GPR146: variants seen among roughly 807,000 people sequenced by gnomAD.
GPR146 encodes the protein G protein-coupled receptor 146.
For missense variants in GPR146, 381 were observed against 213.9 expected, an observed-to-expected ratio of 1.78 and a Z score of -4.87; for synonymous variants, 203 against 104.3, an observed-to-expected ratio of 1.95 and a Z score of -5.77.
At chr7:1,055,191 G>T in intron 1 of GPR146, 3 of 467,826 alleles carry the variant, frequency 6.4e-6, no homozygotes, top group Non-Finnish European at 1.3e-5. Flanking sequence ...ACGGCCCCTC[G>T]TTTCTGGAAC....
chr7:1,049,370 G>T (rs1782885098), intron 1 of GPR146, among the ~76,000 whole-genome samples: 1 of 152,228 alleles, frequency 6.6e-6, no homozygotes, highest in Non-Finnish European at 1.5e-5. Context: ...TGCTTCACAT[G>T]GGTTGGTTTA....
intron 1 of GPR146, among the ~76,000 whole-genome samples, chr7:1,045,010 G>A (rs933407803): frequency 6.6e-6 from 1 of 152,262 alleles, no homozygotes; most frequent in Non-Finnish European, 1.5e-5. Context: ...GACTGCTTTC[G>A]GCCCCTTCTG....
At chr7:1,045,328 C>A (rs1433936325) in intron 1 of GPR146, 1 of 152,266 alleles carries the variant, frequency 6.6e-6, no homozygotes, top group Non-Finnish European at 1.5e-5. Flanking sequence ...CTGTATTCGT[C>A]GTCCACAGCC....
chr7:1,044,934 C>T (rs944157783), intron 1 of GPR146, among the ~76,000 whole-genome samples: 5 of 152,370 alleles, frequency 3.3e-5, no homozygotes, highest in Admixed American at 6.5e-5. Context: ...GGCGGCACAG[C>T]GCCGCCACCG....
rs1277113578 is a variant in GPR146, at chr7:1,058,118, G to A, written c.603G>A (p.Leu201=). 2.6e-6 allele frequency: 2 copies of A among 760,718 alleles called. No homozygotes were observed. The highest frequency in any genetic ancestry group is 1.7e-5 in the Admixed American group (1 of 58,328). 47.1% of individuals were successfully genotyped at this position (760,718 alleles called of 1,614,324 possible). ...TCATCGGCTACGTGGTGCCAGCACT[G>A]GCCACCCTCTACGCGCTGGTGCTAC... ...LVFIGYVVPA[L]ATLYALVLLS... Residue 201 remains leucine, a synonymous_variant, in exon 2 of 2, where the codon CTG becomes CTA. Coordinates refer to ENST00000444847, the MANE Select transcript of GPR146 (RefSeq NM_001303473.2).
At chr7:1,053,183 G>A (rs147177871) in intron 1 of GPR146, among the ~76,000 whole-genome samples, 207 of 152,354 alleles carry the variant, frequency 1.4e-3, no homozygotes, top group Non-Finnish European at 2.7e-3. Context: ...GGGAGACCAC[G>A]GACAGGCAAG....
rs902234383 is a variant in GPR146, at chr7:1,058,808, T to A, written c.*291T>A. ...GCCTTCAGCCTCCTCAGCATTCAGT[T>A]TGTCAATGAAGTGATGAAAGCTTAG... On this transcript the variant is annotated 3_prime_UTR_variant, in exon 2 of 2. Coordinates refer to ENST00000444847, the MANE Select transcript of GPR146 (RefSeq NM_001303473.2). 9.0e-6 allele frequency: 4 copies of A among 444,494 alleles called. No individual in the cohort carries two copies. The highest frequency in any genetic ancestry group is 1.7e-5 in the Non-Finnish European group (4 of 240,908). 27.5% of individuals were successfully genotyped at this position (444,494 alleles called of 1,614,324 possible).
intron 1 of GPR146, among the ~76,000 whole-genome samples, chr7:1,053,840 C>T (rs73267955): frequency 0.024 from 3,577 of 152,164 alleles, 130 homozygotes; most frequent in African/African-American, 0.079. Flanking sequence ...AAAACAAAAA[C>T]AAAACCAAAA....
At chr7:1,049,545 C>T (rs1203909926) in intron 1 of GPR146, among the ~76,000 whole-genome samples, 3 of 152,182 alleles carry the variant, frequency 2.0e-5, no homozygotes, top group Non-Finnish European at 4.4e-5. Flanking sequence ...AGGCCCTTAA[C>T]CACTTCCTTC....
chr7:1,050,758 C>T (rs1203319441), intron 1 of GPR146, among the ~76,000 whole-genome samples: 1 of 152,218 alleles, frequency 6.6e-6, no homozygotes, highest in Admixed American at 6.5e-5. Context: ...GGAGTGAGCA[C>T]CGCTCAGTAG....
chr7:1,058,525 A>G lies in GPR146; in HGVS notation c.*8A>G. ...CAGCAGGTGCTGGCGTAGGCGGCCC[A>G]GCCCTCCTGGGGAGACGTGACTCTG... is the stretch of plus-strand genomic sequence containing the variant. On this transcript the variant is annotated 3_prime_UTR_variant, in exon 2 of 2. Transcript: ENST00000444847. 1 of 775,980 alleles carries G rather than the reference A, an allele frequency of 1.3e-6. No individual in the cohort carries two copies. The highest frequency in any genetic ancestry group is 1.3e-5 in the South Asian group (1 of 74,164). The allele number at this position is 775,980 out of a possible 1,614,324, so 48.1% of individuals were successfully genotyped here.
rs771783506 is a variant in GPR146, at chr7:1,058,518, G to T, written c.*1G>T. 1.3e-6 allele frequency: 1 copy of T among 777,806 alleles called. No homozygotes were observed. Among genetic ancestry groups the T allele is most frequent in the Admixed American group, 1.7e-5 (1 of 58,882 alleles). The allele number at this position is 777,806 out of a possible 1,614,324, so 48.2% of individuals were successfully genotyped here. A position where few individuals can be genotyped will look rare whatever the true frequency, so the allele number is the denominator to read the frequency against. ...GGGGGTGCAGCAGGTGCTGGCGTAG[G>T]CGGCCCAGCCCTCCTGGGGAGACGT... On this transcript the variant is annotated 3_prime_UTR_variant, in exon 2 of 2. Transcript: ENST00000444847.
At chr7:1,051,720 TC>T (rs1298204697) in intron 1 of GPR146, among the ~76,000 whole-genome samples, 9 of 152,336 alleles carry the variant, frequency 5.9e-5, no homozygotes, top group African/African-American at 2.2e-4. Flanking sequence ...ACACCTGTAA[TC>T]CCAGCACTTT....
intron 1 of GPR146, among the ~76,000 whole-genome samples, chr7:1,049,047 G>A (rs1782851173): frequency 6.6e-6 from 1 of 152,256 alleles, no homozygotes; most frequent in Non-Finnish European, 1.5e-5. Context: ...TCCGCTGTCT[G>A]AGCGTGCGCT....
chr7:1,056,718 T>C (rs544768948), intron 1 of GPR146: 2 of 152,284 alleles, frequency 1.3e-5, no homozygotes, highest in Admixed American at 6.5e-5. Context: ...CCTCCGGGCA[T>C]GGGAACGATG....
At chr7:1,053,250 T>A (rs10257328) in intron 1 of GPR146, among the ~76,000 whole-genome samples, 2 of 152,126 alleles carry the variant, frequency 1.3e-5, no homozygotes, top group African/African-American at 4.8e-5. Flanking sequence ...CCCCTCTGCG[T>A]CCAGGCAGGC....
intron 1 of GPR146, among the ~76,000 whole-genome samples, chr7:1,049,451 C>T (rs78573577): frequency 6.6e-6 from 1 of 152,198 alleles, no homozygotes; most frequent in South Asian, 2.1e-4. Context: ...AGGATGTCAC[C>T]TGCCTGCAAA....
intron 1 of GPR146, among the ~76,000 whole-genome samples, chr7:1,047,203 T>A (rs1318367604): frequency 6.6e-6 from 1 of 152,178 alleles, no homozygotes; most frequent in East Asian, 1.9e-4. Context: ...CAGGCACAGG[T>A]GCCCAGCCCG....
rs540210020 is a variant in GPR146 at position 1,052,893 on chromosome 7, C to T, written c.-24-4599C>T. On this transcript the variant is annotated intron_variant, in intron 1 of 1. Coordinates refer to ENST00000444847, the MANE Select transcript of GPR146 (RefSeq NM_001303473.2). The surrounding 1 kb of genome is among the most constrained non-coding windows in gnomAD (Gnocchi z 4.2). ...GGGAGCCTCCAGAATCTTTCATCGC[C>T]GCCACAACAAACTCAGGCTTTCGTG... Among the ~76,000 whole-genome samples, 9 of 152,170 alleles carry T rather than the reference C, an allele frequency of 5.9e-5. No individual in the cohort carries two copies. Among genetic ancestry groups the T allele is most frequent in the Non-Finnish European group, 8.8e-5 (6 of 68,038 alleles).
Sources: gnomAD v4.1 joint callset for allele counts (sites outside exome capture counted in the v4.1 genomes callset) on GRCh38, gnomAD v4.1.1 for gene constraint, Gnocchi (gnomAD v3.1) non-coding constraint, MANE v1.5 for transcripts, NCBI Gene and HGNC (gene_info 2026-07-23, HGNC 2026-07-21) for gene names.